The following MITF variants were observed in gnomAD, a reference collection of about 807,000 sequenced individuals.
MITF encodes the protein melanocyte inducing transcription factor.
In MITF, 17 loss-of-function variants were observed where a neutral mutation model predicts 60.5. The ratio of observed to expected loss-of-function variants is 0.28; its 90% confidence interval spans 0.19 to 0.42. The LOEUF is 0.42. Ranked by LOEUF, MITF falls within the 10% of genes least tolerant of loss-of-function variation. The probability of loss-of-function intolerance (pLI) is 1.00; values close to 1 mark genes in which losing one functional copy is unlikely to be tolerated. For missense variants in MITF, 622 were observed against 683.5 expected, an observed-to-expected ratio of 0.91 and a Z score of 1.00; for synonymous variants, 260 against 248.5, an observed-to-expected ratio of 1.05 and a Z score of -0.43.
intron 1 of MITF, among the ~76,000 whole-genome samples, chr3:69,854,681 A>G (rs756352408): frequency 6.6e-6 from 1 of 152,180 alleles, no homozygotes; most frequent in Non-Finnish European, 1.5e-5. Flanking sequence ...AATCTGGGCA[A>G]TATTGACCTT....
intron 2 of MITF, among the ~76,000 whole-genome samples, chr3:69,932,462 A>G (rs1186896099): frequency 6.6e-6 from 1 of 152,132 alleles, no homozygotes; most frequent in Admixed American, 6.6e-5. Flanking sequence ...AGTTGGGCTG[A>G]TGGGTGGACA....
intron 1 of MITF, among the ~76,000 whole-genome samples, chr3:69,752,783 C>T (rs1019145170): frequency 3.3e-5 from 5 of 152,084 alleles, no homozygotes; most frequent in Admixed American, 1.3e-4. Context: ...GTGAGTGAGT[C>T]CTCATGAGAT....
intron 7 of MITF, among the ~76,000 whole-genome samples, chr3:69,953,160 G>A (rs1021341045): frequency 6.6e-6 from 1 of 152,068 alleles, no homozygotes; most frequent in African/African-American, 2.4e-5. Context: ...TTTTAACCAA[G>A]AGATAAACTA....
intron 1 of MITF, among the ~76,000 whole-genome samples, chr3:69,873,452 G>A (rs1559688879): frequency 1.3e-5 from 2 of 152,174 alleles, no homozygotes; most frequent in South Asian, 2.1e-4. Flanking sequence ...CTGGTGGAAC[G>A]GACTGGTTGG....
chr3:69,745,236 T>C (rs898205945), intron 1 of MITF, among the ~76,000 whole-genome samples: 2 of 152,152 alleles, frequency 1.3e-5, no homozygotes, highest in Non-Finnish European at 2.9e-5. Context: ...GTATGCCAAG[T>C]TGGTGGGGCC....
chr3:69,759,920 G>A (rs2062186606), intron 1 of MITF, among the ~76,000 whole-genome samples: 1 of 152,182 alleles, frequency 6.6e-6, no homozygotes, highest in Admixed American at 6.5e-5. Context: ...TGGGACTACA[G>A]GCACCCGCCA....
intron 2 of MITF, among the ~76,000 whole-genome samples, chr3:69,898,460 G>T (rs2064926534): frequency 6.6e-6 from 1 of 152,242 alleles, no homozygotes; most frequent in African/African-American, 2.4e-5. Flanking sequence ...AACTAGAGCT[G>T]CAAGTTTGGG....
intron 2 of MITF, 31 bp from the exon 3 acceptor site, chr3:69,937,791 T>C (rs1344089791): frequency 1.3e-6 from 2 of 1,586,130 alleles, no homozygotes; most frequent in African/African-American, 2.7e-5. Context: ...ATAACAGCGC[T>C]GTTTTCTTTT....
rs1026440228 is a variant in MITF at position 69,856,507 on chromosome 3, G to A, written c.105-22627G>A. On this transcript the variant is annotated intron_variant, in intron 1 of 9. Transcript: ENST00000352241. Reference sequence around the variant, plus strand: ...AAACAGAGACTTTCCTTAGATGGAAGAAATTTGAAAGGGCCCTTCTCACTG... The same window carrying A: ...AAACAGAGACTTTCCTTAGATGGAAAAAATTTGAAAGGGCCCTTCTCACTG... Among the ~76,000 whole-genome samples, 63 of 152,166 alleles carry A rather than the reference G, an allele frequency of 4.1e-4. 1 individual carries two copies. Among genetic ancestry groups the A allele is most frequent in the Non-Finnish European group, 1.8e-4 (12 of 68,018 alleles).
intron 2 of MITF, among the ~76,000 whole-genome samples, chr3:69,931,069 A>G (rs1034337607): frequency 2.0e-5 from 3 of 152,128 alleles, no homozygotes; most frequent in African/African-American, 7.2e-5. Context: ...TATCTTTTTT[A>G]CTTTTATTTT....
At chr3:69,802,279 A>G (rs1379780066) in intron 1 of MITF, among the ~76,000 whole-genome samples, 1 of 152,184 alleles carries the variant, frequency 6.6e-6, no homozygotes, top group African/African-American at 2.4e-5. Flanking sequence ...AGCCTCTGCA[A>G]CAATGATCCA....
intron 2 of MITF, among the ~76,000 whole-genome samples, chr3:69,898,816 T>C (rs974812264): frequency 5.9e-5 from 9 of 152,286 alleles, no homozygotes; most frequent in African/African-American, 2.2e-4. Context: ...CTGGAGCTGG[T>C]AATTTGTTGA....
intron 5 of MITF, among the ~76,000 whole-genome samples, chr3:69,948,508 G>A (rs1045313579): frequency 8.7e-5 from 13 of 150,050 alleles, no homozygotes; most frequent in African/African-American, 2.0e-4. Context: ...TCAAGGAAAC[G>A]CTTTTTCTCT....
chr3:69,892,466 A>T (rs1198645239), intron 2 of MITF, among the ~76,000 whole-genome samples: 1 of 152,152 alleles, frequency 6.6e-6, no homozygotes, highest in Non-Finnish European at 1.5e-5. Context: ...ACTTTATGTT[A>T]GTGTTCACTC....
At chr3:69,832,924 A>G (rs1046609957) in intron 1 of MITF, among the ~76,000 whole-genome samples, 4 of 152,030 alleles carry the variant, frequency 2.6e-5, no homozygotes, top group Admixed American at 2.0e-4. Context: ...GTATGTGGTT[A>G]TATACCTGGT....
intron 2 of MITF, among the ~76,000 whole-genome samples, chr3:69,914,861 A>G (rs2065300917): frequency 6.6e-6 from 1 of 152,184 alleles, no homozygotes; most frequent in African/African-American, 2.4e-5. Flanking sequence ...CTCTACAGAT[A>G]TATTCCAGAG....
At chr3:69,874,786 T>C (rs574686555) in intron 1 of MITF, among the ~76,000 whole-genome samples, 1 of 152,260 alleles carries the variant, frequency 6.6e-6, no homozygotes, top group South Asian at 2.1e-4. Flanking sequence ...GGCAGACAGA[T>C]GTTTGGATGC....
At chr3:69,925,863 A>T (rs2065573926) in intron 2 of MITF, among the ~76,000 whole-genome samples, 1 of 152,142 alleles carries the variant, frequency 6.6e-6, no homozygotes, top group African/African-American at 2.4e-5. Context: ...GCTTTGTTGC[A>T]ATGGCCTTTT....
intron 2 of MITF, among the ~76,000 whole-genome samples, chr3:69,931,859 C>T (rs1448835227): frequency 6.6e-6 from 1 of 152,220 alleles, no homozygotes; most frequent in Non-Finnish European, 1.5e-5. Flanking sequence ...TCTAGTTCGC[C>T]TCTGCGGACA....
Sources: allele counts gnomAD v4.1 joint callset (sites outside exome capture counted in the v4.1 genomes callset), GRCh38; gene constraint gnomAD v4.1.1; transcripts MANE v1.5; gene names NCBI Gene and HGNC (gene_info 2026-07-23, HGNC 2026-07-21).